Variants in NETO2 observed in about 807,000 individuals in gnomAD.
NETO2 encodes the protein neuropilin and tolloid-like protein 2.
A neutral mutation model predicts 62.5 loss-of-function variants in NETO2; 28 were observed. The observed-to-expected ratio is 0.45, with a 90% CI of 0.33 to 0.61. NETO2 has a LOEUF of 0.61. Among genes scored for constraint, NETO2 ranks in the 20% least tolerant of loss-of-function variants. NETO2 has a pLI of 0.02. For missense variants in NETO2, 548 were observed against 643.2 expected, an observed-to-expected ratio of 0.85 and a Z score of 1.60; for synonymous variants, 214 against 219.1, an observed-to-expected ratio of 0.98 and a Z score of 0.21.
intron 7 of NETO2, among the ~76,000 whole-genome samples, chr16:47,092,270 C>T (rs1203466757): frequency 6.6e-6 from 1 of 152,152 alleles, no homozygotes; most frequent in Non-Finnish European, 1.5e-5. Context: ...TGGCGGCTCC[C>T]TTTTGTTGTC....
intron 7 of NETO2, among the ~76,000 whole-genome samples, chr16:47,101,032 C>T (rs945556391): frequency 6.6e-5 from 10 of 152,142 alleles, no homozygotes; most frequent in African/African-American, 2.2e-4. Flanking sequence ...CCCTGATGAA[C>T]ATCGATGTGA....
rs149760310 is a variant in NETO2 at position 47,085,147 on chromosome 16, C to A, written c.997+1079G>T. Reference sequence around the variant, plus strand: ...AGCTGCATTTATCTTTCAGTGAGTACACACTGGGAATACAGCATAGGAAAT... The same window carrying A: ...AGCTGCATTTATCTTTCAGTGAGTAAACACTGGGAATACAGCATAGGAAAT... On this transcript the variant is annotated intron_variant, in intron 8 of 8. Coordinates refer to ENST00000562435, the MANE Select transcript of NETO2 (RefSeq NM_018092.5). 6.3e-3 allele frequency among the ~76,000 whole-genome samples: 960 copies of A among 152,264 alleles called. 3 individuals carry two copies. Among genetic ancestry groups the A allele is most frequent in the South Asian group, 0.012 (57 of 4,822 alleles).
chr16:47,095,330 C>G (rs1407370660), intron 7 of NETO2, among the ~76,000 whole-genome samples: 1 of 151,950 alleles, frequency 6.6e-6, no homozygotes, highest in Non-Finnish European at 1.5e-5. Flanking sequence ...ACACAGAAAA[C>G]AAGTAGCAAA....
intron 6 of NETO2, among the ~76,000 whole-genome samples, chr16:47,111,175 T>C (rs1263428278): frequency 6.6e-6 from 1 of 152,208 alleles, no homozygotes; most frequent in Non-Finnish European, 1.5e-5. Flanking sequence ...GGTCACTGGC[T>C]CAGTTTCATC....
chr16:47,098,715 A>G (rs1388774601), intron 7 of NETO2, among the ~76,000 whole-genome samples: 1 of 152,184 alleles, frequency 6.6e-6, no homozygotes, highest in Non-Finnish European at 1.5e-5. Flanking sequence ...CAACCCCAAG[A>G]CACATAATCG....
intron 4 of NETO2, among the ~76,000 whole-genome samples, chr16:47,124,410 G>A (rs939316121): frequency 6.6e-6 from 1 of 151,920 alleles, no homozygotes; most frequent in African/African-American, 2.4e-5. Flanking sequence ...AACCCATTAA[G>A]AGCCTCTCCC....
At chr16:47,126,750 C>A (rs1964165799) in intron 4 of NETO2, among the ~76,000 whole-genome samples, 1 of 152,122 alleles carries the variant, frequency 6.6e-6, no homozygotes, top group South Asian at 2.1e-4. Flanking sequence ...TGTAATTTTG[C>A]TGTGAACCTA....
intron 6 of NETO2, among the ~76,000 whole-genome samples, chr16:47,114,482 G>A (rs1480546712): frequency 2.8e-5 from 3 of 108,176 alleles, no homozygotes; most frequent in African/African-American, 3.7e-5. Context: ...ATGGAGTCTC[G>A]CTCTGTTGCC....
At chr16:47,105,659 G>A (rs922432500) in intron 7 of NETO2, among the ~76,000 whole-genome samples, 8 of 151,958 alleles carry the variant, frequency 5.3e-5, no homozygotes, top group South Asian at 2.1e-4. Flanking sequence ...ATTCAAAAGC[G>A]GGCAAAGGAT....
At chr16:47,097,239 C>A (rs1161390472) in intron 7 of NETO2, among the ~76,000 whole-genome samples, 1 of 152,166 alleles carries the variant, frequency 6.6e-6, no homozygotes, top group Non-Finnish European at 1.5e-5. Context: ...GCAGATCCCA[C>A]CCCCACGGGG....
At chr16:47,092,667 C>A (rs1359368261) in intron 7 of NETO2, among the ~76,000 whole-genome samples, 1 of 152,176 alleles carries the variant, frequency 6.6e-6, no homozygotes, top group Non-Finnish European at 1.5e-5. Flanking sequence ...TTATTTGACA[C>A]AGTGAAACAG....
chr16:47,116,945 G>A (rs2078256), intron 6 of NETO2, among the ~76,000 whole-genome samples: 1 of 151,974 alleles, frequency 6.6e-6, no homozygotes, highest in Non-Finnish European at 1.5e-5. Flanking sequence ...TGGTAGGGTC[G>A]GTAGTGATAG....
chr16:47,104,275 C>T (rs1173271658), intron 7 of NETO2, among the ~76,000 whole-genome samples: 1 of 152,042 alleles, frequency 6.6e-6, no homozygotes, highest in African/African-American at 2.4e-5. Flanking sequence ...AAAATAATTC[C>T]AGTATAATAG....
Position 47,143,680 on chromosome 16 carries a change from T to G in NETO2, c.-68A>C. On this transcript the variant is annotated 5_prime_UTR_variant, in exon 1 of 9. Coordinates refer to ENST00000562435, the MANE Select transcript of NETO2 (RefSeq NM_018092.5). ...GCGGCGGTGGCTCGGCGCTCACGGC[T>G]CGGCGCGGCGGCGACGGCCCCACTC... 4 of 1,215,488 alleles carry G rather than the reference T, an allele frequency of 3.3e-6. No homozygotes were observed. The highest frequency in any genetic ancestry group is 4.1e-6 in the Non-Finnish European group (4 of 976,644). 75.3% of individuals were successfully genotyped at this position (1,215,488 alleles called of 1,614,324 possible). A position where few individuals can be genotyped will look rare whatever the true frequency, so the allele number is the denominator to read the frequency against.
intron 7 of NETO2, among the ~76,000 whole-genome samples, chr16:47,093,836 T>C (rs991996025): frequency 6.6e-6 from 1 of 152,254 alleles, no homozygotes; most frequent in Non-Finnish European, 1.5e-5. Context: ...TCTGATATCT[T>C]ACTGTCACAC....
chr16:47,092,648 G>A (rs1169131774), intron 7 of NETO2, among the ~76,000 whole-genome samples: 1 of 152,172 alleles, frequency 6.6e-6, no homozygotes, highest in African/African-American at 2.4e-5. Context: ...ATAAAGCACT[G>A]ATTTGTAGTT....
chr16:47,101,186 C>A (rs996844848), intron 7 of NETO2, among the ~76,000 whole-genome samples: 1 of 152,284 alleles, frequency 6.6e-6, no homozygotes, highest in East Asian at 1.9e-4. Context: ...AGAAAAACCA[C>A]ATTATTATCT....
chr16:47,127,355 G>A (rs1350647890), intron 4 of NETO2, among the ~76,000 whole-genome samples: 1 of 152,060 alleles, frequency 6.6e-6, no homozygotes, highest in Non-Finnish European at 1.5e-5. Context: ...GCAGGCTGAT[G>A]GTACAGTAGC....
In NETO2 at chr16:47,079,829, C is replaced by G. The variant is rs1259045324; in HGVS notation, c.*3392G>C. 1.3e-5 allele frequency: 2 copies of G among 152,158 alleles called. No individual in the cohort carries two copies. The highest frequency in any genetic ancestry group is 2.9e-5 in the Non-Finnish European group (2 of 68,026). 9.4% of individuals were successfully genotyped at this position (152,158 alleles called of 1,614,324 possible). A position where few individuals can be genotyped will look rare whatever the true frequency, so the allele number is the denominator to read the frequency against. ...ATAAAGTGACATGAACAATATATAG[C>G]AGACCCCATTTTGCAATAAGAGTAT... On this transcript the variant is annotated 3_prime_UTR_variant, in exon 9 of 9. Transcript: ENST00000562435.
Sources: gnomAD v4.1 joint callset for allele counts (sites outside exome capture counted in the v4.1 genomes callset) on GRCh38, gnomAD v4.1.1 for gene constraint, MANE v1.5 for transcripts, NCBI Gene and HGNC (gene_info 2026-07-23, HGNC 2026-07-21) for gene names.